Variants in CDK15 observed in about 807,000 individuals in gnomAD.
The protein encoded by CDK15 is cyclin dependent kinase 15.
CDK15 carries 62 observed loss-of-function variants against 60.3 expected under a neutral mutation model. That is an observed-to-expected ratio of 1.03 (90% CI 0.84 to 1.27). The LOEUF (loss-of-function observed/expected upper bound fraction) is 1.27, where lower values mean the gene tolerates loss of function less well. Among genes scored for constraint, CDK15 ranks in the 50% most tolerant of loss-of-function variants. The probability of loss-of-function intolerance (pLI) is 0.00; values close to 1 mark genes in which losing one functional copy is unlikely to be tolerated. For missense variants in CDK15, 541 were observed against 527.8 expected, an observed-to-expected ratio of 1.03 and a Z score of -0.25; for synonymous variants, 194 against 195.7, an observed-to-expected ratio of 0.99 and a Z score of 0.07.
At chr2:201,865,311 G>C (rs1201155419) in intron 10 of CDK15, among the ~76,000 whole-genome samples, 2 of 151,776 alleles carry the variant, frequency 1.3e-5, no homozygotes, top group Non-Finnish European at 2.9e-5. Flanking sequence ...TTCAGTCATA[G>C]CCCTGCCTCT....
At chr2:201,810,183 A>G (rs976368758) in intron 3 of CDK15, among the ~76,000 whole-genome samples, 6 of 152,206 alleles carry the variant, frequency 3.9e-5, no homozygotes, top group South Asian at 2.1e-4. Context: ...ACAAAATTTC[A>G]AAGACATGAT....
At chr2:201,869,163 A>G (rs1174235819) in intron 10 of CDK15, among the ~76,000 whole-genome samples, 1 of 152,220 alleles carries the variant, frequency 6.6e-6, no homozygotes, top group Non-Finnish European at 1.5e-5. Context: ...GATTAAGAAA[A>G]TGTGGTACAT....
chr2:201,807,730 G>A (rs1407906534), intron 2 of CDK15, 87 bp downstream of exon 2: 1 of 1,578,230 alleles, frequency 6.3e-7, no homozygotes, highest in Non-Finnish European at 8.7e-7. Context: ...CAATTACTGA[G>A]CGAGCCTTCC....
chr2:201,835,926 T>C (rs1255899471), intron 8 of CDK15, among the ~76,000 whole-genome samples, 163 bp downstream of exon 8: 1 of 139,204 alleles, frequency 7.2e-6, no homozygotes, highest in Admixed American at 7.7e-5. Context: ...TATATATTTA[T>C]ATTTTATATA....
At chr2:201,850,167 G>T (rs1697847739) in intron 9 of CDK15, among the ~76,000 whole-genome samples, 1 of 152,172 alleles carries the variant, frequency 6.6e-6, no homozygotes, top group Admixed American at 6.5e-5. Context: ...AGGCATAGTT[G>T]TGTGTGCCTA....
At chr2:201,826,914 A>G (rs945720730) in intron 6 of CDK15, among the ~76,000 whole-genome samples, 5 of 152,166 alleles carry the variant, frequency 3.3e-5, no homozygotes, top group South Asian at 2.1e-4. Flanking sequence ...GCCTGGTCTA[A>G]CTTCCTTATT....
intron 6 of CDK15, among the ~76,000 whole-genome samples, chr2:201,833,193 CT>C (rs1282004883): frequency 8.3e-6 from 1 of 120,296 alleles, no homozygotes; most frequent in Non-Finnish European, 1.8e-5. Flanking sequence ...GTTCCTTATT[CT>C]TTTTTGATTT....
At chr2:201,814,949 A>AT (rs5837791) in intron 4 of CDK15, among the ~76,000 whole-genome samples, 48 of 124,880 alleles carry the variant, frequency 3.8e-4, no homozygotes, top group African/African-American at 1.3e-3. Flanking sequence ...ACTAAGGAAC[A>AT]TTTTTTTTTT....
intron 11 of CDK15, among the ~76,000 whole-genome samples, chr2:201,877,982 A>G (rs1699142718): frequency 6.6e-6 from 1 of 152,226 alleles, no homozygotes; most frequent in Non-Finnish European, 1.5e-5. Context: ...TGGAAGGGAA[A>G]TAATATCTGA....
rs146540953 is a variant in CDK15, at chr2:201,862,414, A to G, written c.1009+7477A>G. 2.3e-3 allele frequency among the ~76,000 whole-genome samples: 358 copies of G among 152,366 alleles called. 1 individual carries two copies. Among genetic ancestry groups the G allele is most frequent in the African/African-American group, 8.1e-3 (337 of 41,578 alleles). ...GCCCCCTACCTGGCACATAATAAGT[A>G]GTCAGTAGATATTTGTGAAATGAAA... On this transcript the variant is annotated intron_variant, in intron 10 of 13. Transcript: ENST00000652192.
intron 10 of CDK15, among the ~76,000 whole-genome samples, chr2:201,865,108 T>G (rs1698566629): frequency 6.6e-6 from 1 of 152,126 alleles, no homozygotes; most frequent in South Asian, 2.1e-4. Context: ...TGGCCAGCAC[T>G]CACTGGAAGA....
chr2:201,860,938 T>A, intron 10 of CDK15: 1 of 1,288,036 alleles, frequency 7.8e-7, no homozygotes, highest in South Asian at 1.3e-5. Context: ...CTATTCTGCT[T>A]TGGGCTCAAT....
Position 201,872,296 on chromosome 2 carries a change from C to T in CDK15, c.1028C>T (p.Thr343Met), listed in dbSNP as rs375122798. The change falls in exon 11 of 14, where the codon ACG (threonine) becomes ATG (methionine). Residue 343 changes from threonine to methionine, a missense_variant. Thr to Met is a moderately conservative substitution (Grantham distance 81, BLOSUM62 -1). Transcript: ENST00000652192. ...NYNPEWFPLP[T>M]PRSLHVVWNR... is the part of the protein sequence containing the mutation. ...TTCCCAGAATGGTTCCCACTGCCTACGCCTCGAAGCCTTCATGTTGTCTGG... is the reference window on the plus strand; with the variant it reads ...TTCCCAGAATGGTTCCCACTGCCTATGCCTCGAAGCCTTCATGTTGTCTGG... 51 of 1,613,944 alleles carry T rather than the reference C, an allele frequency of 3.2e-5. No individual in the cohort carries two copies. The Middle Eastern group carries it at 9.9e-4, about 31-fold the overall frequency.
chr2:201,878,814 G>C (rs369604271), intron 11 of CDK15, among the ~76,000 whole-genome samples: 2 of 152,336 alleles, frequency 1.3e-5, no homozygotes, highest in African/African-American at 4.8e-5. Flanking sequence ...GCACAGGGCA[G>C]AAAGAGCAAA....
intron 3 of CDK15, among the ~76,000 whole-genome samples, chr2:201,811,684 G>T (rs1240048229): frequency 6.6e-6 from 1 of 152,188 alleles, no homozygotes; most frequent in African/African-American, 2.4e-5. Context: ...ATAATGGTGT[G>T]GCCTGGGAAG....
At chr2:201,844,337 C>G (rs1050374791) in intron 8 of CDK15, among the ~76,000 whole-genome samples, 9 of 152,140 alleles carry the variant, frequency 5.9e-5, no homozygotes, top group Admixed American at 4.6e-4. Context: ...TTTGGTGGTG[C>G]CCACTAACTA....
At chr2:201,841,658 C>G (rs10183267) in intron 8 of CDK15, among the ~76,000 whole-genome samples, 151,514 of 152,368 alleles carry the variant, frequency 0.99, 75,340 homozygotes, top group Non-Finnish European at 1. Flanking sequence ...GACACTGGGT[C>G]AGCATTAGTG....
At chr2:201,857,803 C>G (rs1170802099) in intron 10 of CDK15, among the ~76,000 whole-genome samples, 1 of 152,150 alleles carries the variant, frequency 6.6e-6, no homozygotes, top group Non-Finnish European at 1.5e-5. Context: ...GGAACATCCT[C>G]TTACGTGAGT....
chr2:201,888,979 T>C (rs1318599157), intron 12 of CDK15: 10 of 985,982 alleles, frequency 1.0e-5, no homozygotes, highest in Non-Finnish European at 1.2e-5. Context: ...CATATTATAA[T>C]ATCCGTGTGA....
Sources: allele counts gnomAD v4.1 joint callset (sites outside exome capture counted in the v4.1 genomes callset), GRCh38; gene constraint gnomAD v4.1.1; transcripts MANE v1.5; gene names NCBI Gene and HGNC (gene_info 2026-07-23, HGNC 2026-07-21).